The following BCAT1 variants were observed in gnomAD, a reference collection of about 807,000 sequenced individuals.
The protein encoded by BCAT1 is branched-chain-amino-acid aminotransferase, cytosolic.
A neutral mutation model predicts 52.4 loss-of-function variants in BCAT1; 48 were observed. That is an observed-to-expected ratio of 0.92 (90% CI 0.73 to 1.16). The LOEUF (loss-of-function observed/expected upper bound fraction) is 1.16, where lower values mean the gene tolerates loss of function less well. BCAT1 is among the 50% of genes most tolerant of loss of function. The probability of loss-of-function intolerance (pLI) is 0.00; values close to 1 mark genes in which losing one functional copy is unlikely to be tolerated. For synonymous variants in BCAT1, 167 were observed against 161.3 expected, an observed-to-expected ratio of 1.04 and a Z score of -0.27; for missense variants, 451 against 457.1, an observed-to-expected ratio of 0.99 and a Z score of 0.12.
rs1227592998 is a variant in BCAT1 at position 24,813,841 on chromosome 12, A to T, written c.*4167T>A. On this transcript the variant is annotated 3_prime_UTR_variant, in exon 11 of 11. Transcript: ENST00000261192. The stretch of plus-strand genomic sequence containing the variant: ...TATGATCTAACTATTCAGCTATCTA[A>T]CTATGCTTTTATAGCTACAATCAGT... 6.6e-6 allele frequency: 1 copy of T among 152,106 alleles called. No individual in the cohort carries two copies. Among genetic ancestry groups the T allele is most frequent in the African/African-American group, 2.4e-5 (1 of 41,456 alleles). The allele number at this position is 152,106 out of a possible 1,614,324, so 9.4% of individuals were successfully genotyped here.
At chr12:24,896,540 G>A (rs544010355) in intron 2 of BCAT1, among the ~76,000 whole-genome samples, 3 of 152,244 alleles carry the variant, frequency 2.0e-5, no homozygotes, top group East Asian at 1.9e-4. Flanking sequence ...AGGCCGAGGC[G>A]GGTGGATCAC....
At chr12:24,930,303 G>A (rs1943658688) in intron 1 of BCAT1, among the ~76,000 whole-genome samples, 1 of 152,206 alleles carries the variant, frequency 6.6e-6, no homozygotes, top group African/African-American at 2.4e-5. Flanking sequence ...GACCCCTGGG[G>A]TCTCCTTGCC....
At chr12:24,851,999 G>C (rs1941529374) in intron 5 of BCAT1, among the ~76,000 whole-genome samples, 1 of 152,142 alleles carries the variant, frequency 6.6e-6, no homozygotes, top group South Asian at 2.1e-4. Flanking sequence ...CCCAGTGTGA[G>C]ATGATAGGAT....
At chr12:24,878,004 A>G (rs1315470051) in intron 5 of BCAT1, among the ~76,000 whole-genome samples, 2 of 152,140 alleles carry the variant, frequency 1.3e-5, no homozygotes, top group Non-Finnish European at 2.9e-5. Flanking sequence ...AAATTTAAAA[A>G]TTAGCTAGGC....
chr12:24,835,936 G>A (rs1234146699), intron 8 of BCAT1, among the ~76,000 whole-genome samples: 2 of 152,106 alleles, frequency 1.3e-5, no homozygotes, highest in African/African-American at 2.4e-5. Flanking sequence ...GAATTTGAAA[G>A]TCTACTGAAA....
At position 24,817,335 on chromosome 12, in the gene BCAT1, C is replaced by T. The variant is rs1939915075; in HGVS notation, c.*673G>A. The stretch of plus-strand genomic sequence containing the variant: ...ATGGGGGATACAAAGATCTATAAGG[C>T]ACAAGACCCTCAGTCTTGTAGTCGC... On this transcript the variant is annotated 3_prime_UTR_variant, in exon 11 of 11. Coordinates refer to ENST00000261192, the MANE Select transcript of BCAT1 (RefSeq NM_005504.7). 1 of 152,660 alleles carries T rather than the reference C, an allele frequency of 6.6e-6. No homozygotes were observed. The highest frequency in any genetic ancestry group is 2.4e-5 in the African/African-American group (1 of 41,440). The allele number at this position is 152,660 out of a possible 1,614,324, so 9.5% of individuals were successfully genotyped here.
chr12:24,825,135 G>GTATATATA (rs10548732), intron 10 of BCAT1, among the ~76,000 whole-genome samples: 4 of 146,478 alleles, frequency 2.7e-5, no homozygotes, highest in African/African-American at 1.0e-4. Context: ...GTGTGTGTGT[G>GTATATATA]TATATATATA....
At chr12:24,908,274 C>CA (rs1342800099) in intron 1 of BCAT1, among the ~76,000 whole-genome samples, 1 of 152,090 alleles carries the variant, frequency 6.6e-6, no homozygotes, top group Non-Finnish European at 1.5e-5. Flanking sequence ...TGTGACTGTT[C>CA]AAAGAGATTG....
At chr12:24,930,295 C>G (rs1286937605) in intron 1 of BCAT1, among the ~76,000 whole-genome samples, 1 of 152,252 alleles carries the variant, frequency 6.6e-6, no homozygotes, top group Non-Finnish European at 1.5e-5. Flanking sequence ...CAGCCTCTGA[C>G]CCCTGGGGTC....
At chr12:24,873,974 C>A (rs1258352641) in intron 5 of BCAT1, among the ~76,000 whole-genome samples, 2 of 152,134 alleles carry the variant, frequency 1.3e-5, no homozygotes, top group Middle Eastern at 6.3e-3. Context: ...TCATGAGGAA[C>A]TGCACAAAAA....
intron 5 of BCAT1, among the ~76,000 whole-genome samples, chr12:24,860,197 T>C (rs1418896194): frequency 2.6e-5 from 4 of 152,096 alleles, no homozygotes; most frequent in African/African-American, 9.7e-5. Context: ...TTCTGAAAAA[T>C]TTTGTAAAGT....
In BCAT1 at chr12:24,823,218, ATTTGTTTG is replaced by A. The variant is rs34858948; in HGVS notation, c.1120-5177_1120-5170del. On this transcript the variant is annotated intron_variant, in intron 10 of 10. Coordinates refer to ENST00000261192, the MANE Select transcript of BCAT1 (RefSeq NM_005504.7). ...AGACATGTGACACCATGCCCGATTA[ATTTGTTTG>A]TTTGTTTGTTTGTTTGTTTGCATTT... 9.3e-5 allele frequency among the ~76,000 whole-genome samples: 14 copies of A among 150,886 alleles called. No individual in the cohort carries two copies. The South Asian group carries it at 1.3e-3, about 14-fold the overall frequency.
At chr12:24,908,491 C>T (rs931357726) in intron 1 of BCAT1, among the ~76,000 whole-genome samples, 47 of 152,174 alleles carry the variant, frequency 3.1e-4, no homozygotes, top group Non-Finnish European at 4.6e-4. Flanking sequence ...AATCCCCCCA[C>T]TTTAGGAGGG....
In BCAT1 at chr12:24,834,486, G is replaced by C. The variant is rs1591788588; in HGVS notation, c.904-1623C>G. On this transcript the variant is annotated intron_variant, in intron 8 of 10. Coordinates refer to ENST00000261192, the MANE Select transcript of BCAT1 (RefSeq NM_005504.7). ...CCTCAGTGGTTCAAGTTCAAAGTTT[G>C]TCAACAAGTTATTTGAATAAAGGGC... 6 of 978,840 alleles carry C rather than the reference G, an allele frequency of 6.1e-6. No individual in the cohort carries two copies. The South Asian group carries it at 2.8e-4, about 46-fold the overall frequency. The allele number at this position is 978,840 out of a possible 1,614,324, so 60.6% of individuals were successfully genotyped here.
At chr12:24,901,746 C>A in intron 2 of BCAT1, 68 bp downstream of exon 2, 1 of 1,508,180 alleles carries the variant, frequency 6.6e-7, no homozygotes, top group Non-Finnish European at 9.1e-7. Flanking sequence ...TTCCCCGAAT[C>A]TCAACAAGAA....
At chr12:24,899,829 G>T (rs1297873009) in intron 2 of BCAT1, among the ~76,000 whole-genome samples, 1 of 137,544 alleles carries the variant, frequency 7.3e-6, no homozygotes, top group African/African-American at 2.6e-5. Context: ...ACTCATACGT[G>T]AGAGCTAAAA....
chr12:24,922,911 A>G lies in BCAT1; in HGVS notation c.7-21026T>C, dbSNP rs117984231. 2.0e-4 allele frequency among the ~76,000 whole-genome samples: 30 copies of G among 152,220 alleles called. No individual in the cohort carries two copies. The East Asian group carries it at 5.8e-3, about 29-fold the overall frequency. ...AAATTTACAAGGCAAAAATCAGCAA[A>G]AGGAAAAGGCACATGGGACAAAGGA... On this transcript the variant is annotated intron_variant, in intron 1 of 10. Transcript: ENST00000261192.
At chr12:24,820,591 C>T (rs1471570238) in intron 10 of BCAT1, among the ~76,000 whole-genome samples, 1 of 151,986 alleles carries the variant, frequency 6.6e-6, no homozygotes, top group Admixed American at 6.6e-5. Context: ...TTTGGTAGGG[C>T]GGCTGTAAGT....
chr12:24,907,331 T>C (rs1943240916), intron 1 of BCAT1, among the ~76,000 whole-genome samples: 1 of 152,216 alleles, frequency 6.6e-6, no homozygotes, highest in Non-Finnish European at 1.5e-5. Flanking sequence ...TTCAAAATAA[T>C]GGTAATATTT....
Sources: gnomAD v4.1 joint callset for allele counts (sites outside exome capture counted in the v4.1 genomes callset) on GRCh38, gnomAD v4.1.1 for gene constraint, MANE v1.5 for transcripts, NCBI Gene and HGNC (gene_info 2026-07-23, HGNC 2026-07-21) for gene names.